Variants in IL1RAPL1 observed in about 807,000 individuals in gnomAD.
The protein encoded by IL1RAPL1 is interleukin-1 receptor accessory protein-like 1.
Under a neutral mutation model 48.4 loss-of-function variants are expected in IL1RAPL1, and 3 were observed. That is an observed-to-expected ratio of 0.06 (90% CI 0.03 to 0.16). The LOEUF (loss-of-function observed/expected upper bound fraction) is 0.16, where lower values mean the gene tolerates loss of function less well. IL1RAPL1 is among the 10% of genes least tolerant of loss of function. IL1RAPL1 has a pLI of 1.00. For synonymous variants in IL1RAPL1, 185 were observed against 187.7 expected (o/e 0.99, Z 0.12); for missense variants, 349 against 530.6 (o/e 0.66, Z 3.36).
At chrX:28,945,301 G>A (rs893012495) in intron 2 of IL1RAPL1, among the ~76,000 whole-genome samples, 2 of 111,127 alleles carry the variant, frequency 1.8e-5, no homozygotes, top group African/African-American at 3.3e-5. Flanking sequence ...ACATTCACAC[G>A]TATGTTTATT....
intron 2 of IL1RAPL1, among the ~76,000 whole-genome samples, chrX:29,238,924 CA>C (rs1011535856): frequency 7.2e-5 from 8 of 111,641 alleles, no homozygotes; most frequent in African/African-American, 9.8e-5. Flanking sequence ...ATTTTCAAAA[CA>C]AAACAAAGAA....
chrX:29,670,181 A>ACT (rs1162095501), intron 6 of IL1RAPL1, among the ~76,000 whole-genome samples: 1 of 111,560 alleles, frequency 9.0e-6, no homozygotes, highest in African/African-American at 3.3e-5. Context: ...TCTACCTCTT[A>ACT]CTACACTGTT....
At chrX:28,901,504 T>C (rs906071086) in intron 2 of IL1RAPL1, among the ~76,000 whole-genome samples, 1 of 111,717 alleles carries the variant, frequency 9.0e-6, no homozygotes, top group Non-Finnish European at 1.9e-5. Context: ...TGCTGTACAA[T>C]CTCTTTATTG....
chrX:29,774,153 C>G (rs762002005), intron 6 of IL1RAPL1, among the ~76,000 whole-genome samples: 44 of 108,454 alleles, frequency 4.1e-4, no homozygotes, highest in African/African-American at 1.4e-3. Context: ...CCCCTCCCCA[C>G]CCCCGCATAA....
chrX:28,953,505 T>A (rs1924525171), intron 2 of IL1RAPL1, among the ~76,000 whole-genome samples: 2 of 111,662 alleles, frequency 1.8e-5, no homozygotes, highest in South Asian at 7.3e-4. Flanking sequence ...TAACTATTTA[T>A]TATTCCATCT....
chrX:28,933,646 G>C (rs1055655102), intron 2 of IL1RAPL1, among the ~76,000 whole-genome samples: 2 of 111,439 alleles, frequency 1.8e-5, no homozygotes, highest in Non-Finnish European at 3.8e-5. Context: ...TTCGGGGAGA[G>C]TCCGTACAGT....
chrX:29,134,690 A>G (rs1222792382), intron 2 of IL1RAPL1, among the ~76,000 whole-genome samples: 2 of 111,331 alleles, frequency 1.8e-5, no homozygotes, highest in South Asian at 3.8e-4. Context: ...AGTGGTATTA[A>G]TATGTCAGTG....
chrX:29,339,071 T>C (rs1443413761), intron 3 of IL1RAPL1, among the ~76,000 whole-genome samples: 1 of 51,858 alleles, frequency 1.9e-5, no homozygotes, highest in Non-Finnish European at 3.8e-5. Flanking sequence ...TTATGCTGGG[T>C]AAATACACAC....
chrX:28,617,983 A>G (rs1318574193), intron 1 of IL1RAPL1, among the ~76,000 whole-genome samples: 3 of 112,034 alleles, frequency 2.7e-5, no homozygotes, highest in African/African-American at 9.8e-5. Flanking sequence ...TACTTAAAAG[A>G]TGCTAGATTA....
intron 5 of IL1RAPL1, among the ~76,000 whole-genome samples, chrX:29,590,481 T>C (rs768354159): frequency 3.3e-4 from 37 of 112,012 alleles, no homozygotes; most frequent in African/African-American, 1.1e-3. Flanking sequence ...AGTGATTCCT[T>C]GCACACGTGG....
intron 1 of IL1RAPL1, among the ~76,000 whole-genome samples, chrX:28,739,438 G>T (rs1456358202): frequency 9.0e-6 from 1 of 111,533 alleles, no homozygotes; most frequent in Non-Finnish European, 1.9e-5. Context: ...CATATTTAAT[G>T]CTTGTTATTT....
intron 6 of IL1RAPL1, among the ~76,000 whole-genome samples, chrX:29,731,370 G>T (rs1345814366): frequency 8.9e-6 from 1 of 111,814 alleles, no homozygotes; most frequent in Non-Finnish European, 1.9e-5. Context: ...GGGTTTGTAA[G>T]TACATACATG....
At chrX:29,090,567 G>A (rs376143762) in intron 2 of IL1RAPL1, among the ~76,000 whole-genome samples, 189 of 111,816 alleles carry the variant, frequency 1.7e-3, no homozygotes, top group African/African-American at 5.9e-3. Flanking sequence ...TTGACCACAC[G>A]TTTGCTGTTA....
chrX:29,058,172 G>A (rs1433809718), intron 2 of IL1RAPL1, among the ~76,000 whole-genome samples: 1 of 110,199 alleles, frequency 9.1e-6, no homozygotes, highest in Non-Finnish European at 1.9e-5. Context: ...TCAGGAGATC[G>A]AGACCATCCT....
At chrX:28,807,462 A>T (rs1936745485) in intron 2 of IL1RAPL1, among the ~76,000 whole-genome samples, 1 of 111,982 alleles carries the variant, frequency 8.9e-6, no homozygotes, top group Non-Finnish European at 1.9e-5. Context: ...TCTGAATTAG[A>T]CAAGAACATA....
At chrX:28,876,317 G>T (rs988082085) in intron 2 of IL1RAPL1, among the ~76,000 whole-genome samples, 1 of 111,992 alleles carries the variant, frequency 8.9e-6, no homozygotes, top group African/African-American at 3.3e-5. Flanking sequence ...CTGTCGTCCA[G>T]AAGTGATGTA....
intron 5 of IL1RAPL1, among the ~76,000 whole-genome samples, chrX:29,548,587 G>T (rs1369837320): frequency 9.0e-6 from 1 of 111,720 alleles, no homozygotes; most frequent in African/African-American, 3.2e-5. Flanking sequence ...AACGTGAAAG[G>T]TTTTTTATGA....
At chrX:29,801,854 C>A (rs749997412) in intron 6 of IL1RAPL1, among the ~76,000 whole-genome samples, 4 of 111,518 alleles carry the variant, frequency 3.6e-5, no homozygotes, top group Non-Finnish European at 7.5e-5. Context: ...AAGTTATATA[C>A]TCAGTTTTAT....
At chrX:28,677,038 T>C (rs1204961339) in intron 1 of IL1RAPL1, among the ~76,000 whole-genome samples, 1 of 111,857 alleles carries the variant, frequency 8.9e-6, no homozygotes, top group African/African-American at 3.2e-5. Flanking sequence ...AGTTCTGTTA[T>C]GAAATCTTAT....
Sources: gnomAD v4.1 joint callset for allele counts (sites outside exome capture counted in the v4.1 genomes callset) on GRCh38, gnomAD v4.1.1 for gene constraint, MANE v1.5 for transcripts, NCBI Gene and HGNC (gene_info 2026-07-23, HGNC 2026-07-21) for gene names.